UTS2B: variants seen among roughly 807,000 people sequenced by gnomAD.
The protein encoded by UTS2B is urotensin-2B.
UTS2B carries 21 observed loss-of-function variants against 19.2 expected under a neutral mutation model. The ratio of observed to expected loss-of-function variants is 1.09; its 90% confidence interval spans 0.78 to 1.58. The LOEUF is 1.58. Ranked by LOEUF, UTS2B falls within the 40% of genes most tolerant of loss-of-function variation. UTS2B has a pLI of 0.00. For synonymous variants in UTS2B, 57 were observed against 50.2 expected, an observed-to-expected ratio of 1.14 and a Z score of -0.58; for missense variants, 138 against 130.3, an observed-to-expected ratio of 1.06 and a Z score of -0.29.
the UTS2B span, among the ~76,000 whole-genome samples, chr3:191,340,094 A>G: frequency 9.2e-5 from 14 of 152,364 alleles, no homozygotes; most frequent in African/African-American, 3.4e-4. Flanking sequence ...TAAATCAACT[A>G]CATTTCATTC....
intron 8 of UTS2B, among the ~76,000 whole-genome samples, chr3:191,268,931 G>A (rs1716015339): frequency 6.6e-6 from 1 of 152,166 alleles, no homozygotes; most frequent in Non-Finnish European, 1.5e-5. Flanking sequence ...TCACTTTGCA[G>A]ACCACAAAAT....
At chr3:191,320,245 T>C (rs1447434505) in intron 2 of UTS2B, among the ~76,000 whole-genome samples, 5 of 152,154 alleles carry the variant, frequency 3.3e-5, no homozygotes, top group Non-Finnish European at 5.9e-5. Flanking sequence ...GACACTTGAA[T>C]AAAATTGGAG....
At chr3:191,303,345 G>A (rs1270849913) in intron 4 of UTS2B, among the ~76,000 whole-genome samples, 1 of 152,126 alleles carries the variant, frequency 6.6e-6, no homozygotes, top group Non-Finnish European at 1.5e-5. Flanking sequence ...GAGGGTGGAA[G>A]GAAAATTCCC....
At chr3:191,335,873 C>A in the UTS2B span, among the ~76,000 whole-genome samples, 1 of 151,822 alleles carries the variant, frequency 6.6e-6, no homozygotes, top group Non-Finnish European at 1.5e-5. Flanking sequence ...GTCTTGGAAC[C>A]ACCACAACAA....
intron 4 of UTS2B, among the ~76,000 whole-genome samples, chr3:191,302,224 G>A (rs1027069433): frequency 3.3e-5 from 5 of 152,128 alleles, no homozygotes; most frequent in Admixed American, 2.0e-4. Context: ...AGACACTCCC[G>A]CCAGCATCAT....
intron 4 of UTS2B, among the ~76,000 whole-genome samples, chr3:191,298,231 C>CA (rs1716906662): frequency 7.0e-6 from 1 of 143,718 alleles, no homozygotes; most frequent in Non-Finnish European, 1.6e-5. Context: ...ACATTGAATT[C>CA]CAAAAAAAAC....
At chr3:191,273,350 A>G (rs1361689066) in intron 8 of UTS2B, 2 of 398,930 alleles carry the variant, frequency 5.0e-6, no homozygotes, top group Non-Finnish European at 1.0e-5. Context: ...GGCAGTGCTC[A>G]CCAAGTACTA....
chr3:191,296,419 A>G (rs1716859843), intron 4 of UTS2B, among the ~76,000 whole-genome samples: 1 of 152,148 alleles, frequency 6.6e-6, no homozygotes, highest in South Asian at 2.1e-4. Flanking sequence ...TCAACAGCTC[A>G]TATCTCAACC....
At chr3:191,312,686 A>T (rs1717335696) in intron 3 of UTS2B, among the ~76,000 whole-genome samples, 1 of 152,156 alleles carries the variant, frequency 6.6e-6, no homozygotes, top group South Asian at 2.1e-4. Flanking sequence ...TTGCCATTTC[A>T]CTTGACAACA....
Position 191,287,399 on chromosome 3 carries a change from T to C in UTS2B, c.-124-5086A>G, listed in dbSNP as rs1345455646. On this transcript the variant is annotated intron_variant, in intron 4 of 8. Coordinates refer to ENST00000340524, the MANE Select transcript of UTS2B (RefSeq NM_198152.5). ...GATCAACAACACGTTAAAATGATCATTCACTATGATCAAGTGTGATTTATC... is the reference window on the plus strand; with the variant it reads ...GATCAACAACACGTTAAAATGATCACTCACTATGATCAAGTGTGATTTATC... 2.0e-5 allele frequency among the ~76,000 whole-genome samples: 3 copies of C among 152,130 alleles called. No individual in the cohort carries two copies. The East Asian group carries it at 5.8e-4, about 29-fold the overall frequency.
intron 4 of UTS2B, among the ~76,000 whole-genome samples, chr3:191,299,248 T>C (rs548157146): frequency 4.1e-4 from 63 of 152,332 alleles, no homozygotes; most frequent in African/African-American, 1.2e-3. Context: ...CAAATGCTAA[T>C]AGCCAAGACA....
chr3:191,298,097 T>C (rs993728879), intron 4 of UTS2B, among the ~76,000 whole-genome samples: 1 of 152,216 alleles, frequency 6.6e-6, no homozygotes, highest in Non-Finnish European at 1.5e-5. Flanking sequence ...TGCCTAGTTG[T>C]AGCATATATA....
intron 2 of UTS2B, among the ~76,000 whole-genome samples, chr3:191,321,687 T>C (rs1717613790): frequency 6.6e-6 from 1 of 152,216 alleles, no homozygotes; most frequent in African/African-American, 2.4e-5. Flanking sequence ...TGCTAATAAA[T>C]GTGTATGTGT....
At chr3:191,339,350 TATG>T in the UTS2B span, among the ~76,000 whole-genome samples, 2 of 152,176 alleles carry the variant, frequency 1.3e-5, no homozygotes, top group Non-Finnish European at 2.9e-5. Context: ...TCAAGGGAGT[TATG>T]ATATAAAATT....
chr3:191,289,925 A>G (rs1028777691), intron 4 of UTS2B, among the ~76,000 whole-genome samples: 10 of 152,218 alleles, frequency 6.6e-5, no homozygotes, highest in East Asian at 1.9e-4. Flanking sequence ...GAAAATCACT[A>G]AAGAAGTAAA....
chr3:191,338,652 C>T, the UTS2B span, among the ~76,000 whole-genome samples: 1 of 152,196 alleles, frequency 6.6e-6, no homozygotes, highest in South Asian at 2.1e-4. Context: ...TTGGTGGATC[C>T]ACAAATCATT....
chr3:191,337,429 C>T, the UTS2B span, among the ~76,000 whole-genome samples: 2 of 151,838 alleles, frequency 1.3e-5, no homozygotes, highest in African/African-American at 4.8e-5. Context: ...GTGTCTAGCT[C>T]TGACGCCCAG....
chr3:191,291,090 A>C (rs1208686924), intron 4 of UTS2B, among the ~76,000 whole-genome samples: 1 of 152,220 alleles, frequency 6.6e-6, no homozygotes, highest in East Asian at 1.9e-4. Context: ...TAAAAGAGTT[A>C]ACAATGGCCT....
chr3:191,326,363 C>T (rs532978543), intron 2 of UTS2B, among the ~76,000 whole-genome samples: 3 of 152,174 alleles, frequency 2.0e-5, no homozygotes, highest in Admixed American at 6.5e-5. Context: ...CTGGGGGATG[C>T]TTTTGTGGAA....
Sources: gnomAD v4.1 joint callset for allele counts (sites outside exome capture counted in the v4.1 genomes callset) on GRCh38, gnomAD v4.1.1 for gene constraint, MANE v1.5 for transcripts, NCBI Gene and HGNC (gene_info 2026-07-23, HGNC 2026-07-21) for gene names.